NNMT: variants seen among roughly 807,000 people sequenced by gnomAD.
NNMT encodes nicotinamide N-methyltransferase.
In NNMT, 10 loss-of-function variants were observed where a neutral mutation model predicts 11.7. That is an observed-to-expected ratio of 0.85 (90% CI 0.53 to 1.45). NNMT has a LOEUF of 1.45. NNMT is among the 40% of genes most tolerant of loss of function. The pLI is 0.00. For missense variants in NNMT, 381 were observed against 319.4 expected (o/e 1.19, Z -1.47); for synonymous variants, 143 against 133.8 (o/e 1.07, Z -0.48).
intron 2 of NNMT, among the ~76,000 whole-genome samples, chr11:114,270,007 G>T (rs1007337326): frequency 3.3e-5 from 5 of 151,664 alleles, no homozygotes; most frequent in Admixed American, 3.3e-4. Context: ...CAATTTTTTT[G>T]GTTTCTTCTT....
chr11:114,298,007 C>G lies in NNMT; in HGVS notation c.211C>G (p.Leu71Val), dbSNP rs56077214. 6.2e-7 allele frequency: 1 copy of G among 1,613,924 alleles called. No homozygotes were observed. Among genetic ancestry groups the G allele is most frequent in the Non-Finnish European group, 8.5e-7 (1 of 1,180,034 alleles). The part of the protein sequence containing the change: ...DIGSGPTIYQ[L>V]LSACESFKEI... ...CGGCTCTGGCCCCACTATCTATCAG[C>G]TCCTCTCTGCTTGTGAATCCTTTAA... Residue 71 changes from leucine to valine, a missense_variant, in exon 2 of 3, where the codon CTC becomes GTC. Physicochemically the swap from Leu to Val is conservative, Grantham distance 32 (BLOSUM62 1). Transcript: ENST00000299964.
intron 2 of NNMT, among the ~76,000 whole-genome samples, chr11:114,300,574 A>G (rs576111970): frequency 1.4e-5 from 2 of 141,022 alleles, no homozygotes; most frequent in East Asian, 4.3e-4. Context: ...CTACATCCTT[A>G]CTGACGTTTT....
At chr11:114,273,506 A>T (rs1032364907) in intron 2 of NNMT, among the ~76,000 whole-genome samples, 1 of 152,198 alleles carries the variant, frequency 6.6e-6, no homozygotes, top group African/African-American at 2.4e-5. Context: ...TTTAGTCCCC[A>T]TGCTGCCAAG....
chr11:114,282,521 C>T (rs1945269707), intron 2 of NNMT, among the ~76,000 whole-genome samples: 1 of 152,206 alleles, frequency 6.6e-6, no homozygotes, highest in Non-Finnish European at 1.5e-5. Context: ...GATTGTCTAA[C>T]TCCTCCCCAA....
chr11:114,275,375 A>G (rs1945206314), intron 2 of NNMT, among the ~76,000 whole-genome samples: 1 of 152,234 alleles, frequency 6.6e-6, no homozygotes, highest in African/African-American at 2.4e-5. Context: ...TGCTGGTTCC[A>G]GGCAGACTTT....
chr11:114,259,109 T>G (rs1402471494), intron 1 of NNMT, among the ~76,000 whole-genome samples: 2 of 152,244 alleles, frequency 1.3e-5, no homozygotes, highest in Non-Finnish European at 2.9e-5. Flanking sequence ...AATTGTGTGT[T>G]ATCTATCTTT....
intron 2 of NNMT, among the ~76,000 whole-genome samples, chr11:114,265,605 G>A (rs1945114067): frequency 6.6e-6 from 1 of 152,168 alleles, no homozygotes; most frequent in South Asian, 2.1e-4. Context: ...TCTGCCTTGG[G>A]ACAGTGTGGC....
At chr11:114,278,612 ATGTGTGTGTGTG>A (rs3057704) in intron 2 of NNMT, among the ~76,000 whole-genome samples, 20 of 147,126 alleles carry the variant, frequency 1.4e-4, no homozygotes, top group Non-Finnish European at 2.6e-4. Context: ...CCTAATACTC[ATGTGTGTGTGTG>A]TGTGTGTGTG....
intron 2 of NNMT, among the ~76,000 whole-genome samples, chr11:114,273,776 G>A (rs1945190881): frequency 6.6e-6 from 1 of 152,142 alleles, no homozygotes; most frequent in Non-Finnish European, 1.5e-5. Context: ...GGAGTCGGAG[G>A]TTGCAGTGAG....
At chr11:114,298,253 A>T in intron 2 of NNMT, 95 bp downstream of exon 2, 1 of 1,027,994 alleles carries the variant, frequency 9.7e-7, no homozygotes, top group Non-Finnish European at 1.5e-6. Flanking sequence ...AGAAATCCAA[A>T]TGGAGAATGA....
At chr11:114,285,735 G>A (rs181564032) in intron 2 of NNMT, among the ~76,000 whole-genome samples, 20 of 152,344 alleles carry the variant, frequency 1.3e-4, no homozygotes, top group Admixed American at 9.8e-4. Flanking sequence ...AGAGAAAGAG[G>A]AAGAGGCTCA....
intron 2 of NNMT, among the ~76,000 whole-genome samples, chr11:114,303,835 T>G (rs1372291463): frequency 6.6e-6 from 1 of 152,134 alleles, no homozygotes; most frequent in Admixed American, 6.5e-5. Context: ...CTTAGCCTCC[T>G]GAGTAGCTGG....
intron 2 of NNMT, among the ~76,000 whole-genome samples, chr11:114,287,464 C>G (rs999024862): frequency 6.6e-6 from 1 of 152,048 alleles, no homozygotes; most frequent in Admixed American, 6.6e-5. Flanking sequence ...CCTACAGATA[C>G]CCAATTATCT....
intron 2 of NNMT, among the ~76,000 whole-genome samples, chr11:114,298,967 C>A (rs1392510562): frequency 1.3e-5 from 2 of 152,242 alleles, no homozygotes; most frequent in African/African-American, 4.8e-5. Context: ...TGACCATTCA[C>A]TCCTGGAGCA....
chr11:114,287,188 TAG>T (rs565833513), intron 2 of NNMT, among the ~76,000 whole-genome samples: 275 of 152,334 alleles, frequency 1.8e-3, no homozygotes, highest in African/African-American at 6.4e-3. Context: ...TCCCTCTCTG[TAG>T]AGTGTCTCTT....
At chr11:114,293,976 A>G (rs1945352515), upstream of NNMT, among the ~76,000 whole-genome samples, 1 of 152,216 alleles carries the variant, frequency 6.6e-6, no homozygotes, top group South Asian at 2.1e-4. Context: ...AGATCCTGTC[A>G]TTTGCAATAA....
At chr11:114,310,751 G>T (rs1314912814) in intron 2 of NNMT, among the ~76,000 whole-genome samples, 2 of 152,162 alleles carry the variant, frequency 1.3e-5, no homozygotes, top group African/African-American at 4.8e-5. Context: ...AATACCCAGG[G>T]GTCACTCCTA....
At chr11:114,283,321 A>G (rs1164584084) in intron 2 of NNMT, among the ~76,000 whole-genome samples, 2 of 152,216 alleles carry the variant, frequency 1.3e-5, no homozygotes, top group Non-Finnish European at 2.9e-5. Flanking sequence ...ATGAAGAACG[A>G]TGCAGTGGCA....
At chr11:114,283,322 T>C (rs78228848) in intron 2 of NNMT, among the ~76,000 whole-genome samples, 3,583 of 152,264 alleles carry the variant, frequency 0.024, 140 homozygotes, top group African/African-American at 0.081. Flanking sequence ...TGAAGAACGA[T>C]GCAGTGGCAT....
Sources: allele counts gnomAD v4.1 joint callset (sites outside exome capture counted in the v4.1 genomes callset), GRCh38; gene constraint gnomAD v4.1.1; transcripts MANE v1.5; gene names NCBI Gene and HGNC (gene_info 2026-07-23, HGNC 2026-07-21).